Variants in NLGN2 observed in about 807,000 individuals in gnomAD.
The protein encoded by NLGN2 is neuroligin-2.
In NLGN2, 11 loss-of-function variants were observed where a neutral mutation model predicts 48.6. The ratio of observed to expected loss-of-function variants is 0.23; its 90% CI spans 0.14 to 0.37. NLGN2 has a LOEUF of 0.37. NLGN2 is among the 10% of genes least tolerant of loss of function. NLGN2 has a pLI of 1.00. For synonymous variants in NLGN2, 548 were observed against 550.0 expected (o/e 1.00, Z 0.05); for missense variants, 801 against 1,225.2 (o/e 0.65, Z 5.17).
Position 7,415,614 on chromosome 17 carries a change from G to A in NLGN2, c.1141G>A (p.Gly381Ser). 6.2e-7 allele frequency: 1 copy of A among 1,613,734 alleles called. No individual in the cohort carries two copies. Among genetic ancestry groups the A allele is most frequent in the Non-Finnish European group, 8.5e-7 (1 of 1,179,636 alleles). Residue 381 changes from glycine to serine, a missense_variant, in exon 6 of 7, where the codon GGC becomes AGC. By Grantham distance (56) the Gly-to-Ser change is moderately conservative. Transcript: ENST00000302926. ...GEFLNYDMLIGVNQGEGLKFV... is the reference protein window; with the variant it reads ...GEFLNYDMLISVNQGEGLKFV... ...ATTCCTCAACTACGACATGCTCATC[G>A]GCGTCAACCAGGGAGAGGGCCTCAA... is the stretch of plus-strand genomic sequence containing the variant.
chr17:7,417,851 G>A lies in NLGN2; in HGVS notation c.*52G>A, dbSNP rs756911391. 35 of 1,346,030 alleles carry A rather than the reference G, an allele frequency of 2.6e-5. 1 individual carries two copies. Among genetic ancestry groups the A allele is most frequent in the East Asian group, 2.6e-4 (9 of 34,670 alleles). The allele number at this position is 1,346,030 out of a possible 1,614,324, so 83.4% of individuals were successfully genotyped here. A position where few individuals can be genotyped will look rare whatever the true frequency, so the allele number is the denominator to read the frequency against. The stretch of plus-strand genomic sequence containing the variant: ...CGGCCCTCCCTGGCCCGGCCACTCC[G>A]AAGGCAGGGAGGAGGACTTGGCAAC... On this transcript the variant is annotated 3_prime_UTR_variant, in exon 7 of 7. Transcript: ENST00000302926.
upstream of NLGN2, chr17:7,404,820 GC>G (rs1435787972): frequency 2.0e-5 from 3 of 151,862 alleles, no homozygotes; most frequent in African/African-American, 7.3e-5. Context: ...GGGGGTGCGA[GC>G]GGGGGGTGTG....
At chr17:7,416,167 C>T (rs369236507) in intron 6 of NLGN2, 60 bp downstream of exon 6, 39 of 1,385,352 alleles carry the variant, frequency 2.8e-5, no homozygotes, top group African/African-American at 2.6e-4. Flanking sequence ...ACATGGCCGC[C>T]GTTCCTCTGT....
chr17:7,408,549 C>A lies in NLGN2; in HGVS notation c.294C>A (p.Asn98Lys). 1.3e-6 allele frequency: 2 copies of A among 1,549,324 alleles called. No homozygotes were observed. Among genetic ancestry groups the A allele is most frequent in the Non-Finnish European group, 1.7e-6 (2 of 1,149,258 alleles). ...EAPASWPGVR[N>K]ATTLPPACPQ... Reference sequence around the variant, plus strand: ...CCGCCTCGTGGCCCGGCGTGCGCAACGCCACCACCCTGCCGCCCGCCTGCC... The same window carrying A: ...CCGCCTCGTGGCCCGGCGTGCGCAAAGCCACCACCCTGCCGCCCGCCTGCC... The change falls in exon 1 of 7, where the codon AAC becomes AAA. Residue 98 changes from asparagine to lysine, a missense_variant. Around this residue, in one of 5 missense-constraint regions of NLGN2, gnomAD observed 164 missense variants for 186.2 expected, o/e 0.88. Transcript: ENST00000302926. This position sits in a 1 kb window ranked among gnomAD's most constrained non-coding sequence, Gnocchi z 7.5.
At chr17:7,410,016 C>G (rs547507695) in intron 1 of NLGN2, among the ~76,000 whole-genome samples, 2 of 152,190 alleles carry the variant, frequency 1.3e-5, no homozygotes, top group South Asian at 4.2e-4. Flanking sequence ...GCAGGCCCCT[C>G]ACATCACAGT....
chr17:7,409,046 G>C (rs1173925453), intron 1 of NLGN2, among the ~76,000 whole-genome samples: 2 of 152,222 alleles, frequency 1.3e-5, no homozygotes, highest in South Asian at 2.1e-4. Context: ...CACGGAGGGG[G>C]AATCAGGTGA....
intron 6 of NLGN2, among the ~76,000 whole-genome samples, chr17:7,416,615 T>C (rs1907112078): frequency 6.6e-6 from 1 of 152,182 alleles, no homozygotes; most frequent in Admixed American, 6.5e-5. Context: ...TGACCCTGTC[T>C]GTGTTTCATT....
In NLGN2 at chr17:7,408,814, C is replaced by G; in HGVS notation, c.457+102C>G. ...ACCGCTCTAGGGCTCAGAGCTGGGC[C>G]TTTGTGGGGGCAGTGAGGGACGGAG... On this transcript the variant is annotated intron_variant, in intron 1 of 6. Coordinates refer to ENST00000302926, the MANE Select transcript of NLGN2 (RefSeq NM_020795.4). The surrounding 1 kb of genome is among the most constrained non-coding windows in gnomAD (Gnocchi z 7.5). 1.3e-6 allele frequency: 2 copies of G among 1,594,950 alleles called. No individual in the cohort carries two copies. Among genetic ancestry groups the G allele is most frequent in the South Asian group, 2.2e-5 (2 of 89,444 alleles).
At chr17:7,410,439 C>T (rs117227861) in intron 1 of NLGN2, among the ~76,000 whole-genome samples, 1,643 of 152,114 alleles carry the variant, frequency 0.011, 11 homozygotes, top group Non-Finnish European at 0.017. Context: ...CAATGCCCTC[C>T]ACAGAAGAGC....
rs2150810978 is a variant in NLGN2, at chr17:7,408,192, C to A, written c.-64C>A. ...GCGAGGGGGGCCTCCCTCCCTCTCC[C>A]CCCCTTCTCTCTCTCTCCGAGGGGG... On this transcript the variant is annotated 5_prime_UTR_variant, in exon 1 of 7. Transcript: ENST00000302926. The surrounding 1 kb of genome is among the most constrained non-coding windows in gnomAD (Gnocchi z 7.5). 2 of 922,116 alleles carry A rather than the reference C, an allele frequency of 2.2e-6. No individual in the cohort carries two copies. Among genetic ancestry groups the A allele is most frequent in the Non-Finnish European group, 2.9e-6 (2 of 681,940 alleles). 57.1% of individuals were successfully genotyped at this position (922,116 alleles called of 1,614,324 possible).
chr17:7,414,294 T>C (rs763016252), intron 2 of NLGN2, 50 bp from the exon 3 acceptor site: 1 of 1,558,216 alleles, frequency 6.4e-7, no homozygotes, highest in Non-Finnish European at 8.8e-7. Context: ...GGTCTGACTG[T>C]GTCCTTGTCC....
chr17:7,410,899 A>G (rs2150813254), intron 1 of NLGN2, among the ~76,000 whole-genome samples: 1 of 152,204 alleles, frequency 6.6e-6, no homozygotes, highest in East Asian at 1.9e-4. Flanking sequence ...TCCTCTCACA[A>G]AGAAGAGGCC....
Position 7,408,321 on chromosome 17 carries a change from C to G in NLGN2, c.66C>G (p.Gly22=). ...CTCAACGCGGGGGAGGGGGTCCCGG[C>G]GGCGGCGCCCCGGGCGGCCCCGGCC... ...AGAQRGGGGP[G]GGAPGGPGLG... is the part of the protein sequence containing the mutation. The change falls in exon 1 of 7, where the codon GGC becomes GGG. Residue 22 remains glycine, a synonymous_variant. Transcript: ENST00000302926. The surrounding 1 kb of genome is among the most constrained non-coding windows in gnomAD (Gnocchi z 7.5). The G allele has an allele frequency of 7.2e-7, 1 of 1,393,640 alleles. No individual in the cohort carries two copies. Among genetic ancestry groups the G allele is most frequent in the Non-Finnish European group, 9.2e-7 (1 of 1,083,240 alleles). The allele number at this position is 1,393,640 out of a possible 1,614,324, so 86.3% of individuals were successfully genotyped here. A position where few individuals can be genotyped will look rare whatever the true frequency, so the allele number is the denominator to read the frequency against.
At position 7,417,489 on chromosome 17, in the gene NLGN2, G is replaced by A; in HGVS notation, c.2198G>A (p.Gly733Asp). The A allele has an allele frequency of 6.6e-7, 1 of 1,526,020 alleles. No individual in the cohort carries two copies. 94.5% of individuals were successfully genotyped at this position (1,526,020 alleles called of 1,614,324 possible). Reference sequence around the variant, plus strand: ...GGGGGCCCCCTGCTCCCCGCCGCGGGCCGTGAGCTGCCACCAGAGGAGGAG... The same window carrying A: ...GGGGGCCCCCTGCTCCCCGCCGCGGACCGTGAGCTGCCACCAGAGGAGGAG... ...PGGGPLLPAAGRELPPEEELV... is the reference protein window; with the variant it reads ...PGGGPLLPAADRELPPEEELV... Residue 733 changes from glycine (G) to aspartate (D), a missense_variant, in exon 7 of 7, where the codon GGC (glycine) becomes GAC (aspartate). Around this residue, in one of 5 missense-constraint regions of NLGN2, gnomAD observed 276 missense variants for 313.9 expected, o/e 0.88. Transcript: ENST00000302926.
At position 7,411,274 on chromosome 17, in the gene NLGN2, G is replaced by A. The variant is rs921829634; in HGVS notation, c.458-883G>A. On this transcript the variant is annotated intron_variant, in intron 1 of 6. Transcript: ENST00000302926. The surrounding 1 kb of genome is among the most constrained non-coding windows in gnomAD (Gnocchi z 4.5). ...GTGGAGCAGGGGCAGGGGAGGCAGC[G>A]GCTGGTGGCCCTGGTGGGAAATTCA... 1.3e-5 allele frequency among the ~76,000 whole-genome samples: 2 copies of A among 152,194 alleles called. No individual in the cohort carries two copies. Among genetic ancestry groups the A allele is most frequent in the Non-Finnish European group, 2.9e-5 (2 of 68,030 alleles).
At position 7,417,834 on chromosome 17, in the gene NLGN2, C is replaced by T. The variant is rs767976954; in HGVS notation, c.*35C>T. The T allele has an allele frequency of 7.4e-7, 1 of 1,351,206 alleles. No individual in the cohort carries two copies. Among genetic ancestry groups the T allele is most frequent in the Non-Finnish European group, 9.4e-7 (1 of 1,060,024 alleles). 83.7% of individuals were successfully genotyped at this position (1,351,206 alleles called of 1,614,324 possible). On this transcript the variant is annotated 3_prime_UTR_variant, in exon 7 of 7. Coordinates refer to ENST00000302926, the MANE Select transcript of NLGN2 (RefSeq NM_020795.4). ...GGGGAGGCCCTCCTCCCCGGCCCTC[C>T]CTGGCCCGGCCACTCCGAAGGCAGG...
chr17:7,408,482 C>A lies in NLGN2; in HGVS notation c.227C>A (p.Thr76Lys), dbSNP rs1303740282. Residue 76 changes from threonine (T) to lysine (K), a missense_variant, in exon 1 of 7, where the codon ACG (threonine) becomes AAG (lysine). Thr to Lys is a moderately conservative substitution (Grantham distance 78). Transcript: ENST00000302926. The surrounding 1 kb of genome is among the most constrained non-coding windows in gnomAD (Gnocchi z 7.5). ...VVQFLGVPYA[T>K]PPLGARRFQP... ...CAGTTCTTGGGCGTGCCCTACGCCA[C>A]GCCGCCCCTGGGCGCCCGCCGCTTC... 2 of 1,517,918 alleles carry A rather than the reference C, an allele frequency of 1.3e-6. No homozygotes were observed. The highest frequency in any genetic ancestry group is 1.8e-6 in the Non-Finnish European group (2 of 1,138,500). The allele number at this position is 1,517,918 out of a possible 1,614,324, so 94.0% of individuals were successfully genotyped here.
chr17:7,416,252 G>A (rs1446796071), intron 6 of NLGN2, 145 bp downstream of exon 6: 5 of 688,202 alleles, frequency 7.3e-6, no homozygotes, highest in Admixed American at 6.5e-5. Context: ...GCACGGAGTT[G>A]AGCGTTGGAG....
upstream of NLGN2, among the ~76,000 whole-genome samples, chr17:7,407,594 G>A (rs1488837913): frequency 6.6e-6 from 1 of 152,104 alleles, no homozygotes; most frequent in African/African-American, 2.4e-5. Context: ...TCTCTTCCTT[G>A]TCTACCTCAT....
Sources: allele counts gnomAD v4.1 joint callset (sites outside exome capture counted in the v4.1 genomes callset), GRCh38; gene constraint gnomAD v4.1.1; regional missense constraint gnomAD v4.1.1; non-coding constraint Gnocchi (gnomAD v3.1); transcripts MANE v1.5; gene names NCBI Gene and HGNC (gene_info 2026-07-23, HGNC 2026-07-21).